The following TTC3 variants were observed in gnomAD, a reference collection of about 807,000 sequenced individuals.
The protein encoded by TTC3 is E3 ubiquitin-protein ligase TTC3.
A neutral mutation model predicts 249.6 loss-of-function variants in TTC3; 180 were observed. The ratio of observed to expected loss-of-function variants is 0.72; its 90% CI spans 0.64 to 0.82. TTC3 has a LOEUF of 0.82. Among genes scored for constraint, TTC3 ranks in the 40% least tolerant of loss-of-function variants. TTC3 has a pLI of 0.00. For synonymous variants in TTC3, 717 were observed against 805.0 expected (o/e 0.89, Z 1.85); for missense variants, 2,061 against 2,398.4 (o/e 0.86, Z 2.94).
chr21:37,152,702 A>T (rs1240438561), intron 26 of TTC3, among the ~76,000 whole-genome samples: 3 of 152,152 alleles, frequency 2.0e-5, no homozygotes, highest in East Asian at 1.9e-4. Context: ...TTCAAATGCT[A>T]CTACATGAAT....
At chr21:37,080,055 T>C (rs572203808) in intron 1 of TTC3, among the ~76,000 whole-genome samples, 1 of 152,258 alleles carries the variant, frequency 6.6e-6, no homozygotes, top group South Asian at 2.1e-4. Flanking sequence ...CATTTTACTT[T>C]CAGTTTATTA....
chr21:37,103,601 TTATAA>T (rs1433377591), intron 10 of TTC3, among the ~76,000 whole-genome samples: 1 of 152,222 alleles, frequency 6.6e-6, no homozygotes, highest in African/African-American at 2.4e-5. Context: ...ATTGTGATAT[TTATAA>T]TATATGCTAT....
At chr21:37,115,452 G>A (rs933020080) in intron 11 of TTC3, among the ~76,000 whole-genome samples, 2 of 152,124 alleles carry the variant, frequency 1.3e-5, no homozygotes, top group African/African-American at 2.4e-5. Flanking sequence ...TTACAACCAA[G>A]TCAGGGAGCA....
intron 16 of TTC3, 36 bp downstream of exon 16, chr21:37,129,099 T>A: frequency 6.9e-7 from 1 of 1,458,396 alleles, no homozygotes; most frequent in Non-Finnish European, 9.3e-7. Flanking sequence ...TTTTTCCCCT[T>A]AATATACTCT....
At chr21:37,177,774 A>C (rs1160535230) in intron 35 of TTC3, among the ~76,000 whole-genome samples, 2 of 152,220 alleles carry the variant, frequency 1.3e-5, no homozygotes, top group African/African-American at 4.8e-5. Context: ...AGTGGTGGTA[A>C]TAATGACTAT....
At chr21:37,191,247 CT>C (rs1178295846) in intron 39 of TTC3, 86 bp from the exon 40 acceptor site, 1 of 887,794 alleles carries the variant, frequency 1.1e-6, no homozygotes, top group Non-Finnish European at 1.7e-6. Flanking sequence ...TTAAATGTCT[CT>C]TTTGCTCATG....
exon 22 of TTC3, chr21:37,147,591 T>A: frequency 6.2e-7 from 1 of 1,602,548 alleles, no homozygotes; most frequent in East Asian, 2.3e-5. Flanking sequence ...ACATAACTGA[T>A]CCAGACTTTA....
intron 10 of TTC3, chr21:37,098,113 A>G (rs2074125023): frequency 1.9e-6 from 1 of 516,370 alleles, no homozygotes; most frequent in Non-Finnish European, 3.5e-6. Context: ...CATCAATACC[A>G]CTGTCCTCAA....
In TTC3 at chr21:37,156,917, T is replaced by G. The variant is rs201914010; in HGVS notation, c.2992+11T>G. The G allele has an allele frequency of 3.4e-5, 55 of 1,611,814 alleles. No individual in the cohort carries two copies. Among genetic ancestry groups the G allele is most frequent in the East Asian group, 2.0e-4 (9 of 44,848 alleles). On this transcript the variant is annotated intron_variant, in intron 28 of 45. Transcript: ENST00000355666. Reference sequence around the variant, plus strand: ...TCTTTGATATAATGGGTATGTGGACTGAGTTTAGACTTATATTACATTTAA... The same window carrying G: ...TCTTTGATATAATGGGTATGTGGACGGAGTTTAGACTTATATTACATTTAA...
chr21:37,163,062 A>G (rs992059393), intron 31 of TTC3, among the ~76,000 whole-genome samples: 1 of 152,250 alleles, frequency 6.6e-6, no homozygotes, highest in African/African-American at 2.4e-5. Flanking sequence ...AGAAACACAA[A>G]CATTCAGACC....
At chr21:37,165,389 T>C (rs1251844752) in intron 32 of TTC3, among the ~76,000 whole-genome samples, 161 bp from the exon 33 acceptor site, 1 of 152,214 alleles carries the variant, frequency 6.6e-6, no homozygotes, top group Non-Finnish European at 1.5e-5. Flanking sequence ...GTATCATTGA[T>C]TGCAGTTAAC....
intron 14 of TTC3, 37 bp downstream of exon 14, chr21:37,124,779 T>C (rs2076924263): frequency 6.2e-7 from 1 of 1,601,444 alleles, no homozygotes; most frequent in Non-Finnish European, 8.5e-7. Context: ...TTTTCAAGGA[T>C]AGATAGTCTC....
intron 21 of TTC3, 23 bp from the exon 22 acceptor site, chr21:37,147,458 C>A: frequency 6.3e-7 from 1 of 1,585,276 alleles, no homozygotes; most frequent in South Asian, 1.2e-5. Context: ...GTAATGGTAT[C>A]ATTTTTGTTT....
At chr21:37,179,025 A>C (rs1345377332) in intron 35 of TTC3, among the ~76,000 whole-genome samples, 2 of 152,112 alleles carry the variant, frequency 1.3e-5, no homozygotes, top group Non-Finnish European at 2.9e-5. Context: ...TAATCCCAGC[A>C]CTTTGGGAGG....
intron 1 of TTC3, among the ~76,000 whole-genome samples, chr21:37,080,561 G>A (rs377545730): frequency 6.6e-6 from 1 of 152,134 alleles, no homozygotes; most frequent in East Asian, 1.9e-4. Context: ...AGAGAAGTGT[G>A]TTGCAATATT....
intron 19 of TTC3, among the ~76,000 whole-genome samples, chr21:37,140,144 G>T (rs1451322855): frequency 4.0e-5 from 6 of 150,220 alleles, no homozygotes; most frequent in Non-Finnish European, 8.8e-5. Flanking sequence ...ACAAAAGACT[G>T]TGACAACGTC....
Position 37,135,373 on chromosome 21 carries a change from T to C in TTC3, c.1444-7T>C. On this transcript the variant is annotated splice_polypyrimidine_tract_variant and splice_region_variant and intron_variant, in intron 17 of 45. Transcript: ENST00000355666. Reference sequence around the variant, plus strand: ...CAGGTTACTGAAATAGAATTTCTTTTTTCCAGGATTTTGCTAATATAATGA... The same window carrying C: ...CAGGTTACTGAAATAGAATTTCTTTCTTCCAGGATTTTGCTAATATAATGA... 4.4e-6 allele frequency: 7 copies of C among 1,600,636 alleles called. No individual in the cohort carries two copies. The highest frequency in any genetic ancestry group is 6.0e-6 in the Non-Finnish European group (7 of 1,172,972).
At chr21:37,193,085 C>A (rs1385199597) in intron 41 of TTC3, among the ~76,000 whole-genome samples, 1 of 152,148 alleles carries the variant, frequency 6.6e-6, no homozygotes, top group East Asian at 1.9e-4. Context: ...TGTGGCAGGA[C>A]AGTGAAATCT....
chr21:37,126,040 T>G (rs752039567), intron 14 of TTC3, 40 bp from the exon 15 acceptor site: 2 of 1,451,788 alleles, frequency 1.4e-6, no homozygotes, highest in East Asian at 4.5e-5. Flanking sequence ...ATGGCTGGGT[T>G]GTTTTTTTTT....
Sources: allele counts gnomAD v4.1 joint callset (sites outside exome capture counted in the v4.1 genomes callset), GRCh38; gene constraint gnomAD v4.1.1; transcripts MANE v1.5; gene names NCBI Gene and HGNC (gene_info 2026-07-23, HGNC 2026-07-21).